The following SP140 variants were observed in gnomAD, a reference collection of about 807,000 sequenced individuals.
SP140 encodes the protein SP140 nuclear body protein, also known as nuclear body protein SP140.
A neutral mutation model predicts 125.0 loss-of-function variants in SP140; 81 were observed. The observed-to-expected ratio is 0.65, with a 90% CI of 0.54 to 0.78. The LOEUF (loss-of-function observed/expected upper bound fraction) is 0.78, where lower values mean the gene tolerates loss of function less well. SP140 is among the 30% of genes least tolerant of loss of function. SP140 has a pLI of 0.00. For synonymous variants in SP140, 312 were observed against 354.0 expected, an observed-to-expected ratio of 0.88 and a Z score of 1.33; for missense variants, 858 against 1,037.0, an observed-to-expected ratio of 0.83 and a Z score of 2.37.
Position 230,292,707 on chromosome 2 carries a change from A to G in SP140, c.1887A>G (p.Glu629=), listed in dbSNP as rs971576572. The change falls in exon 20 of 27, where the codon GAA becomes GAG. Residue 629 remains glutamate, a synonymous_variant. Transcript: ENST00000392045. Reference sequence around the variant, plus strand: ...AATGGTTCACCCCCACGGAATTTGAAATCAAAGGAGGCCATGCAAGATCAA... The same window carrying G: ...AATGGTTCACCCCCACGGAATTTGAGATCAAAGGAGGCCATGCAAGATCAA... ...DGKWFTPTEF[E]IKGGHARSKN... 5 of 1,614,092 alleles carry G rather than the reference A, an allele frequency of 3.1e-6. No individual in the cohort carries two copies. The African/African-American group carries it at 6.7e-5, about 22-fold the overall frequency.
At position 230,247,966 on chromosome 2, in the gene SP140, C is replaced by G. The variant is rs369390360; in HGVS notation, c.793C>G (p.Pro265Ala). The G allele has an allele frequency of 4.1e-5, 66 of 1,613,554 alleles. No homozygotes were observed. Among genetic ancestry groups the G allele is most frequent in the Non-Finnish European group, 5.2e-5 (61 of 1,179,816 alleles). ...IDAARTYSTA[P>A]GEKQGEEEGR... is the part of the protein sequence containing the mutation. ...TGCGGCAAGGACATACAGCACAGCACCAGGGGAGAAACAGGGAGAGGAGGA... is the reference window on the plus strand; with the variant it reads ...TGCGGCAAGGACATACAGCACAGCAGCAGGGGAGAAACAGGGAGAGGAGGA... The change falls in exon 8 of 27, where the codon CCA becomes GCA. Residue 265 changes from proline (P) to alanine (A), a missense_variant. By Grantham distance (27) the Pro-to-Ala change is conservative. Coordinates refer to ENST00000392045, the MANE Select transcript of SP140 (RefSeq NM_007237.5).
chr2:230,233,544 C>T (rs1007329774), intron 1 of SP140, among the ~76,000 whole-genome samples: 1 of 151,792 alleles, frequency 6.6e-6, no homozygotes, highest in East Asian at 1.9e-4. Flanking sequence ...TATCGAGAAC[C>T]CCAAAGAACT....
chr2:230,206,595 T>TATATATA (rs2043840701), intron 1 of SP140, among the ~76,000 whole-genome samples: 1 of 70,508 alleles, frequency 1.4e-5, no homozygotes, highest in Non-Finnish European at 2.8e-5. Context: ...GGTCCAGATT[T>TATATATA]TATATATATA....
At chr2:230,230,615 C>T (rs2047102639) in intron 1 of SP140, 4 of 152,124 alleles carry the variant, frequency 2.6e-5, no homozygotes, top group Admixed American at 2.6e-4. Flanking sequence ...TGGCATACAC[C>T]CAGGAATGAG....
intron 3 of SP140, chr2:230,217,015 G>A (rs1056814257): frequency 2.9e-5 from 32 of 1,089,918 alleles, no homozygotes; most frequent in Non-Finnish European, 4.1e-5. Context: ...GGAGGCCGAG[G>A]TGGGTGGATC....
the SP140 span, among the ~76,000 whole-genome samples, chr2:230,186,655 T>TCCGTC: frequency 6.6e-6 from 1 of 152,084 alleles, no homozygotes; most frequent in Admixed American, 6.6e-5. Context: ...CTCCCCCTCC[T>TCCGTC]CCGTCCCTCT....
chr2:230,306,726 A>T (rs1008665679), intron 22 of SP140, among the ~76,000 whole-genome samples: 3 of 152,150 alleles, frequency 2.0e-5, no homozygotes, highest in Non-Finnish European at 4.4e-5. Flanking sequence ...ACCCCTCTGG[A>T]TTTTGGGTGC....
intron 18 of SP140, 81 bp from the exon 19 acceptor site, chr2:230,290,379 G>A (rs953429901): frequency 1.1e-5 from 14 of 1,266,206 alleles, no homozygotes; most frequent in Middle Eastern, 2.4e-4. Context: ...TATCCCTCGT[G>A]TCTTTATAGG....
chr2:230,246,964 T>G (rs1472417543), intron 7 of SP140, among the ~76,000 whole-genome samples: 2 of 152,054 alleles, frequency 1.3e-5, no homozygotes, highest in Non-Finnish European at 2.9e-5. Flanking sequence ...TGGGACATTG[T>G]AGGGATGGAG....
intron 22 of SP140, among the ~76,000 whole-genome samples, chr2:230,300,846 G>C (rs1489242540): frequency 6.6e-6 from 1 of 152,194 alleles, no homozygotes; most frequent in Non-Finnish European, 1.5e-5. Flanking sequence ...CAATTATTCA[G>C]CTACTCAAGG....
upstream of SP140, among the ~76,000 whole-genome samples, chr2:230,224,745 G>T (rs1393180023): frequency 6.6e-6 from 1 of 152,172 alleles, no homozygotes; most frequent in Non-Finnish European, 1.5e-5. Flanking sequence ...CACATGTTTT[G>T]GAAAAATACT....
In SP140 at chr2:230,303,873, T is replaced by A. The variant is rs909366962; in HGVS notation, c.2059-6051T>A. Among the ~76,000 whole-genome samples, 4 of 152,292 alleles carry A rather than the reference T, an allele frequency of 2.6e-5. No individual in the cohort carries two copies. The Middle Eastern group carries it at 0.014, about 518-fold the overall frequency. ...AGACAAGGATGCCCACTTTCACCAC[T>A]TCTATTCTACATGATACTAGAAGTC... On this transcript the variant is annotated intron_variant, in intron 22 of 26. Transcript: ENST00000392045.
chr2:230,260,061 A>G (rs138340011), intron 12 of SP140, among the ~76,000 whole-genome samples: 2,155 of 152,200 alleles, frequency 0.014, 53 homozygotes, highest in African/African-American at 0.048. Context: ...TCCCATCAGC[A>G]GTGTAGAAGT....
chr2:230,186,184 T>G, the SP140 span: 5 of 1,607,138 alleles, frequency 3.1e-6, no homozygotes, highest in Non-Finnish European at 4.3e-6. Context: ...TGAGCTCCCT[T>G]CTCATGTTCC....
At chr2:230,267,789 A>G (rs954515621) in intron 12 of SP140, among the ~76,000 whole-genome samples, 1 of 152,246 alleles carries the variant, frequency 6.6e-6, no homozygotes, top group African/African-American at 2.4e-5. Context: ...AAAAGGGGAC[A>G]TATGATTAAT....
At chr2:230,224,970 C>A (rs1042962110), upstream of SP140, among the ~76,000 whole-genome samples, 1 of 152,144 alleles carries the variant, frequency 6.6e-6, no homozygotes, top group Non-Finnish European at 1.5e-5. Flanking sequence ...TGTTTCAAAT[C>A]CTTTACAGAA....
intron 3 of SP140, among the ~76,000 whole-genome samples, chr2:230,218,441 C>G (rs975720679): frequency 1.3e-5 from 2 of 152,144 alleles, no homozygotes; most frequent in Non-Finnish European, 2.9e-5. Context: ...AGATAGAGAA[C>G]AGATAGGAGA....
chr2:230,217,486 A>C (rs886667316), intron 3 of SP140, among the ~76,000 whole-genome samples: 11 of 152,192 alleles, frequency 7.2e-5, no homozygotes, highest in African/African-American at 2.7e-4. Flanking sequence ...GCAGGTAAAC[A>C]TAAGGAAGGT....
At position 230,250,895 on chromosome 2, in the gene SP140, C is replaced by T. The variant is rs1004668735; in HGVS notation, c.977-86C>T. On this transcript the variant is annotated intron_variant, in intron 9 of 26. Coordinates refer to ENST00000392045, the MANE Select transcript of SP140 (RefSeq NM_007237.5). ...CCAGGAGGGCCTGGGTGATGGACAG[C>T]CCCACCTAGGAGATACTTCAGCTTC... 4 of 1,474,210 alleles carry T rather than the reference C, an allele frequency of 2.7e-6. No individual in the cohort carries two copies. The African/African-American group carries it at 4.2e-5, about 15-fold the overall frequency. 91.3% of individuals were successfully genotyped at this position (1,474,210 alleles called of 1,614,324 possible).
Sources: allele counts gnomAD v4.1 joint callset (sites outside exome capture counted in the v4.1 genomes callset), GRCh38; gene constraint gnomAD v4.1.1; transcripts MANE v1.5; gene names NCBI Gene and HGNC (gene_info 2026-07-23, HGNC 2026-07-21).